Variants in AIFM2 observed in about 807,000 individuals in gnomAD.
AIFM2 encodes AIF family member 2, ferroptosis suppressor.
In AIFM2, 38 loss-of-function variants were observed where a neutral mutation model predicts 35.7. The observed-to-expected ratio is 1.06, with a 90% confidence interval of 0.82 to 1.39. The LOEUF is 1.39. Among genes scored for constraint, AIFM2 ranks in the 40% most tolerant of loss-of-function variants. The pLI is 0.00. For synonymous variants in AIFM2, 185 were observed against 203.5 expected, an observed-to-expected ratio of 0.91 and a Z score of 0.77; for missense variants, 476 against 491.2, an observed-to-expected ratio of 0.97 and a Z score of 0.29.
rs35599207 is a variant in AIFM2, at chr10:70,121,223, CAAAAAAAAAAAAAAAAAAA to C, written c.295-31_295-13del. 107 of 665,228 alleles carry C rather than the reference CAAAAAAAAAAAAAAAAAAA, an allele frequency of 1.6e-4. 2 individuals are homozygous for C. In the South Asian group the frequency reaches 4.8e-3, roughly 30 times the overall value. 41.2% of individuals were successfully genotyped at this position (665,228 alleles called of 1,614,324 possible). ...GAGAAGGGCAGGGCCTGAGAGAAAC[CAAAAAAAAAAAAAAAAAAA>C]AAAAAAAAAAGATGAGGGTAGGGCA... On this transcript the variant is annotated splice_polypyrimidine_tract_variant and intron_variant, in intron 3 of 8. Transcript: ENST00000307864.
At chr10:70,119,592 A>G (rs1442156410) in intron 5 of AIFM2, among the ~76,000 whole-genome samples, 1 of 152,226 alleles carries the variant, frequency 6.6e-6, no homozygotes, top group East Asian at 1.9e-4. Flanking sequence ...TAGAACCCTC[A>G]TACATCAAAA....
At position 70,125,859 on chromosome 10, in the gene AIFM2, A is replaced by T. The variant is rs144341766; in HGVS notation, c.-13-1762T>A. On this transcript the variant is annotated intron_variant, in intron 1 of 8. Coordinates refer to ENST00000307864, the MANE Select transcript of AIFM2 (RefSeq NM_032797.6). ...CTTCCTTCTGAAGGCTCCTGTGTATACACACATTAAATAAATTTATATTTT... is the reference window on the plus strand; with the variant it reads ...CTTCCTTCTGAAGGCTCCTGTGTATTCACACATTAAATAAATTTATATTTT... Among the ~76,000 whole-genome samples the T allele has an allele frequency of 3.2e-3, 485 of 152,316 alleles. 3 individuals are homozygous for T. Among genetic ancestry groups the T allele is most frequent in the Middle Eastern group, 0.01 (3 of 294 alleles).
intron 1 of AIFM2, among the ~76,000 whole-genome samples, chr10:70,125,470 A>AAAAAAC (rs2072556005): frequency 7.8e-6 from 1 of 128,198 alleles, no homozygotes; most frequent in Non-Finnish European, 1.6e-5. Flanking sequence ...AAAAAAAAAA[A>AAAAAAC]AGCCAGGCGT....
At chr10:70,124,206 A>G in intron 1 of AIFM2, 109 bp from the exon 2 acceptor site, 2 of 800,876 alleles carry the variant, frequency 2.5e-6, no homozygotes, top group Non-Finnish European at 1.7e-6. Context: ...TAGATGAGGT[A>G]AATCTTTGAT....
intron 6 of AIFM2, 80 bp from the exon 7 acceptor site, chr10:70,116,854 G>A: frequency 8.9e-6 from 14 of 1,573,030 alleles, no homozygotes; most frequent in South Asian, 1.1e-5. Flanking sequence ...GGCTAACCCT[G>A]GGGAGGGCCT....
At chr10:70,126,206 A>T (rs1041359575) in intron 1 of AIFM2, among the ~76,000 whole-genome samples, 5 of 152,250 alleles carry the variant, frequency 3.3e-5, no homozygotes, top group African/African-American at 1.2e-4. Flanking sequence ...GGTGACAAGC[A>T]ATCAACCCTC....
chr10:70,132,261 G>A (rs937789027), intron 1 of AIFM2, among the ~76,000 whole-genome samples: 1 of 152,204 alleles, frequency 6.6e-6, no homozygotes, highest in African/African-American at 2.4e-5. Context: ...CCGAGCCTAT[G>A]GGCACTGGGT....
In AIFM2 at chr10:70,123,940, T is replaced by G. The variant is rs765087053; in HGVS notation, c.145A>C (p.Asn49His). ...LVDMKDSFHH[N>H]VAALRASVET... ...ACGGAGGCTCGGAGAGCAGCCACAT[T>G]GTGGTGGAAGGAGTCCTTCATGTCC... Residue 49 changes from asparagine to histidine, a missense_variant, in exon 2 of 9, where the codon AAT (asparagine) becomes CAT (histidine). Transcript: ENST00000307864. The G allele has an allele frequency of 6.2e-7, 1 of 1,603,638 alleles. No individual in the cohort carries two copies. Among genetic ancestry groups the G allele is most frequent in the Non-Finnish European group, 8.5e-7 (1 of 1,172,800 alleles).
Position 70,120,504 on chromosome 10 carries a change from C to A in AIFM2, c.507+3G>T. 1.2e-6 allele frequency: 2 copies of A among 1,614,206 alleles called. No individual in the cohort carries two copies. Among genetic ancestry groups the A allele is most frequent in the Non-Finnish European group, 1.7e-6 (2 of 1,180,034 alleles). On this transcript the variant is annotated splice_donor_region_variant and intron_variant, in intron 5 of 8. Transcript: ENST00000307864. ...AGCTCCAAGGCAAGGCAGCCTGGCT[C>A]ACCTCTTTCTCAGGATATTCTGTTT...
chr10:70,129,573 T>C (rs1364619840), intron 1 of AIFM2, among the ~76,000 whole-genome samples: 1 of 152,114 alleles, frequency 6.6e-6, no homozygotes, highest in African/African-American at 2.4e-5. Context: ...TTTCTCCTTA[T>C]TTTGGAAAAA....
chr10:70,124,001 G>T lies in AIFM2; in HGVS notation c.84C>A (p.Ser28Arg). The part of the protein sequence containing the change: ...GGGFGGIAAA[S>R]QLQALNVPFM... The stretch of plus-strand genomic sequence containing the variant: ...AGGGGACGTTCAGGGCCTGCAGCTG[G>T]CTGGCTGCTGCGATCCCGCCAAAGC... Residue 28 changes from serine to arginine, a missense_variant, in exon 2 of 9, where the codon AGC becomes AGA. Ser to Arg is a moderately radical substitution (Grantham distance 110, BLOSUM62 -1). Coordinates refer to ENST00000307864, the MANE Select transcript of AIFM2 (RefSeq NM_032797.6). 6.2e-7 allele frequency: 1 copy of T among 1,612,516 alleles called. No homozygotes were observed. Among genetic ancestry groups the T allele is most frequent in the Non-Finnish European group, 8.5e-7 (1 of 1,179,222 alleles).
intron 5 of AIFM2, among the ~76,000 whole-genome samples, chr10:70,119,679 T>C (rs1438354978): frequency 1.3e-5 from 2 of 152,218 alleles, no homozygotes; most frequent in Non-Finnish European, 2.9e-5. Flanking sequence ...AATTAAGTTA[T>C]CCTCTATTGA....
chr10:70,125,503 C>T (rs866116150), intron 1 of AIFM2, among the ~76,000 whole-genome samples: 5 of 148,868 alleles, frequency 3.4e-5, no homozygotes, highest in South Asian at 2.1e-4. Flanking sequence ...CTATAGGCCC[C>T]GCTAATTGGG....
chr10:70,122,548 T>C (rs1431509237), intron 3 of AIFM2, among the ~76,000 whole-genome samples: 2 of 152,192 alleles, frequency 1.3e-5, no homozygotes, highest in Admixed American at 1.3e-4. Flanking sequence ...CCAGGCTCCA[T>C]GATGCACATG....
At chr10:70,130,098 G>A (rs887699272) in intron 1 of AIFM2, among the ~76,000 whole-genome samples, 2 of 152,134 alleles carry the variant, frequency 1.3e-5, no homozygotes, top group African/African-American at 4.8e-5. Flanking sequence ...TGGGAGGATC[G>A]CTTGAGCCTA....
At position 70,117,980 on chromosome 10, in the gene AIFM2, T is replaced by C. The variant is rs1250018599; in HGVS notation, c.508-60A>G. 3.7e-5 allele frequency: 46 copies of C among 1,244,562 alleles called. No individual in the cohort carries two copies. Among genetic ancestry groups the C allele is most frequent in the Non-Finnish European group, 4.2e-5 (36 of 859,378 alleles). The allele number at this position is 1,244,562 out of a possible 1,614,324, so 77.1% of individuals were successfully genotyped here. A position where few individuals can be genotyped will look rare whatever the true frequency, so the allele number is the denominator to read the frequency against. On this transcript the variant is annotated intron_variant, in intron 5 of 8. Coordinates refer to ENST00000307864, the MANE Select transcript of AIFM2 (RefSeq NM_032797.6). The surrounding 1 kb of genome is among the most constrained non-coding windows in gnomAD (Gnocchi z 4.7). Reference sequence around the variant, plus strand: ...GCCCCCAAGTCTTCAAACACAATCATTGCACGAACGTCCACCTCCACTCAT... The same window carrying C: ...GCCCCCAAGTCTTCAAACACAATCACTGCACGAACGTCCACCTCCACTCAT...
At chr10:70,123,849 C>A (rs1011469682) in intron 2 of AIFM2, 58 bp downstream of exon 2, 2 of 1,471,360 alleles carry the variant, frequency 1.4e-6, no homozygotes, top group African/African-American at 2.8e-5. Flanking sequence ...TAAAATCAAG[C>A]CCCAGAGCAG....
chr10:70,132,593 A>G (rs1195140262), intron 1 of AIFM2, 141 bp downstream of exon 1: 1 of 152,202 alleles, frequency 6.6e-6, no homozygotes, highest in African/African-American at 2.4e-5. Context: ...CTCTCCTCGC[A>G]GCGCCACAAC....
At chr10:70,120,410 C>G in intron 5 of AIFM2, 97 bp downstream of exon 5, 3 of 1,252,198 alleles carry the variant, frequency 2.4e-6, no homozygotes, top group Non-Finnish European at 2.3e-6. Flanking sequence ...GAATAGAGCT[C>G]CAGACTTCTC....
Sources: gnomAD v4.1 joint callset for allele counts (sites outside exome capture counted in the v4.1 genomes callset) on GRCh38, gnomAD v4.1.1 for gene constraint, Gnocchi (gnomAD v3.1) non-coding constraint, MANE v1.5 for transcripts, NCBI Gene and HGNC (gene_info 2026-07-23, HGNC 2026-07-21) for gene names.